The following MAGI2 variants were observed in gnomAD, a reference collection of about 807,000 sequenced individuals.
MAGI2 encodes the protein membrane associated guanylate kinase, WW and PDZ domain containing 2, also known as membrane-associated guanylate kinase, WW and PDZ domain-containing protein 2.
Under a neutral mutation model 133.3 loss-of-function variants are expected in MAGI2, and 35 were observed. The ratio of observed to expected loss-of-function variants is 0.26; its 90% CI spans 0.20 to 0.35. The LOEUF (loss-of-function observed/expected upper bound fraction) is 0.35, where lower values mean the gene tolerates loss of function less well. Ranked by LOEUF, MAGI2 falls within the 10% of genes least tolerant of loss-of-function variation. The pLI, the probability that MAGI2 is intolerant of heterozygous loss-of-function variation, is 1.00. For missense variants in MAGI2, 1,636 were observed against 1,863.4 expected (o/e 0.88, Z 2.25); for synonymous variants, 729 against 710.6 (o/e 1.03, Z -0.41).
intron 20 of MAGI2, among the ~76,000 whole-genome samples, chr7:78,092,467 T>G (rs1013379164): frequency 9.9e-5 from 15 of 152,232 alleles, no homozygotes; most frequent in Non-Finnish European, 2.2e-4. Context: ...GCCGAGTGTC[T>G]AAAAATCTTG....
intron 9 of MAGI2, among the ~76,000 whole-genome samples, chr7:78,323,862 G>A (rs1380824112): frequency 6.6e-6 from 1 of 152,044 alleles, no homozygotes; most frequent in East Asian, 1.9e-4. Context: ...AGTGACTTCT[G>A]GATATATTTG....
intron 1 of MAGI2, among the ~76,000 whole-genome samples, chr7:79,046,081 T>A (rs971383332): frequency 5.9e-5 from 9 of 152,186 alleles, no homozygotes; most frequent in African/African-American, 1.7e-4. Context: ...CCTGTGTGCA[T>A]ATAATTATAT....
intron 11 of MAGI2, among the ~76,000 whole-genome samples, chr7:78,198,032 C>T (rs1327400621): frequency 1.3e-5 from 2 of 152,202 alleles, no homozygotes; most frequent in Non-Finnish European, 2.9e-5. Flanking sequence ...TCCTTTCTAC[C>T]TTCATGAACC....
chr7:78,942,178 T>G (rs1424146523), intron 2 of MAGI2, among the ~76,000 whole-genome samples: 1 of 152,184 alleles, frequency 6.6e-6, no homozygotes, highest in African/African-American at 2.4e-5. Flanking sequence ...CCAGATTCTG[T>G]GGGCCAGGTG....
At chr7:78,717,092 C>T (rs1352253248) in intron 2 of MAGI2, among the ~76,000 whole-genome samples, 1 of 152,116 alleles carries the variant, frequency 6.6e-6, no homozygotes, top group African/African-American at 2.4e-5. Flanking sequence ...ACAGCAACCT[C>T]AGACCTCTCC....
intron 1 of MAGI2, among the ~76,000 whole-genome samples, chr7:79,355,490 G>C (rs1360139784): frequency 2.0e-5 from 3 of 152,130 alleles, no homozygotes; most frequent in Non-Finnish European, 2.9e-5. Context: ...TGGTGTTGGA[G>C]GTATACATTT....
rs114140817 is a variant in MAGI2, at chr7:78,447,985, C to A, written c.1045+41776G>T. On this transcript the variant is annotated intron_variant, in intron 6 of 21. Transcript: ENST00000354212. ...TTCTCTGCTTTTATAAGATCAACTTCTTTAGATTCTACATATAAGTTAGAT... is the reference window on the plus strand; with the variant it reads ...TTCTCTGCTTTTATAAGATCAACTTATTTAGATTCTACATATAAGTTAGAT... 9.9e-4 allele frequency among the ~76,000 whole-genome samples: 151 copies of A among 152,214 alleles called. 1 individual carries two copies. The highest frequency in any genetic ancestry group is 3.3e-3 in the African/African-American group (139 of 41,556).
chr7:78,123,299 C>T (rs1820644788), intron 20 of MAGI2, among the ~76,000 whole-genome samples: 1 of 151,822 alleles, frequency 6.6e-6, no homozygotes, highest in Non-Finnish European at 1.5e-5. Context: ...TAGTAGCTCC[C>T]TCTCATACCT....
At chr7:79,072,800 G>T (rs891726222) in intron 1 of MAGI2, among the ~76,000 whole-genome samples, 1 of 152,170 alleles carries the variant, frequency 6.6e-6, no homozygotes, top group Non-Finnish European at 1.5e-5. Context: ...TTTAATCCTG[G>T]ACAGTATATA....
intron 10 of MAGI2, among the ~76,000 whole-genome samples, chr7:78,241,305 A>C (rs1040493097): frequency 6.6e-6 from 1 of 152,158 alleles, no homozygotes; most frequent in Non-Finnish European, 1.5e-5. Context: ...GCTACTTCTA[A>C]ATGGTGTGAC....
At chr7:79,176,410 T>C (rs1826100342) in intron 1 of MAGI2, among the ~76,000 whole-genome samples, 2 of 152,012 alleles carry the variant, frequency 1.3e-5, no homozygotes, top group South Asian at 4.1e-4. Flanking sequence ...CCTTTCCCTC[T>C]GCACAGTATT....
intron 2 of MAGI2, among the ~76,000 whole-genome samples, chr7:79,003,281 C>T (rs1212058322): frequency 6.6e-6 from 1 of 152,132 alleles, no homozygotes; most frequent in African/African-American, 2.4e-5. Context: ...CAAGATGTGC[C>T]TCCTTTCCTT....
At chr7:79,026,899 G>C (rs866985291) in intron 1 of MAGI2, among the ~76,000 whole-genome samples, 1 of 151,776 alleles carries the variant, frequency 6.6e-6, no homozygotes, top group Non-Finnish European at 1.5e-5. Flanking sequence ...AAATGGGCAG[G>C]AGAGCTGAAT....
intron 20 of MAGI2, among the ~76,000 whole-genome samples, chr7:78,083,383 GGGGGGAGAGAGAGAGAGAGAGAGAGAGA>G (rs1816220668): frequency 3.9e-5 from 3 of 76,418 alleles, no homozygotes; most frequent in Admixed American, 1.4e-4. Flanking sequence ...AGGGAGGGAG[GGGGGGAGAGAGAGAGAGAGAGAGAGAGA>G]GAGAGAGAGA....
chr7:78,365,259 C>T (rs1282436308), intron 7 of MAGI2, among the ~76,000 whole-genome samples: 1 of 152,094 alleles, frequency 6.6e-6, no homozygotes, highest in African/African-American at 2.4e-5. Flanking sequence ...CATGACCTCA[C>T]ATTGTTGGGC....
At chr7:78,848,101 T>TC (rs1436980008) in intron 2 of MAGI2, among the ~76,000 whole-genome samples, 2 of 151,794 alleles carry the variant, frequency 1.3e-5, no homozygotes, top group Non-Finnish European at 2.9e-5. Context: ...TCCTGACCTC[T>TC]CCCCCTGAAC....
chr7:78,627,085 CA>C, intron 3 of MAGI2, 34 bp downstream of exon 3: 1 of 1,541,766 alleles, frequency 6.5e-7, no homozygotes, highest in East Asian at 2.4e-5. Context: ...AATGTGATGC[CA>C]ACAAGAAAGA....
At chr7:79,147,038 A>G (rs1822707937) in intron 1 of MAGI2, among the ~76,000 whole-genome samples, 1 of 152,344 alleles carries the variant, frequency 6.6e-6, no homozygotes. Context: ...ACCTGAGTTC[A>G]TATCTCAGGT....
intron 1 of MAGI2, among the ~76,000 whole-genome samples, chr7:79,015,349 T>TATC (rs1808589070): frequency 1.2e-5 from 1 of 80,826 alleles, no homozygotes; most frequent in Non-Finnish European, 2.9e-5. Flanking sequence ...TAATATTTTT[T>TATC]TTCAACCTGC....
Sources: gnomAD v4.1 joint callset for allele counts (sites outside exome capture counted in the v4.1 genomes callset) on GRCh38, gnomAD v4.1.1 for gene constraint, MANE v1.5 for transcripts, NCBI Gene and HGNC (gene_info 2026-07-23, HGNC 2026-07-21) for gene names.